Variants in WWOX observed in about 807,000 individuals in gnomAD.
The protein encoded by WWOX is WW domain containing oxidoreductase.
A neutral mutation model predicts 46.2 loss-of-function variants in WWOX; 69 were observed. That is an observed-to-expected ratio of 1.49 (90% CI 1.23 to 1.82). The LOEUF (loss-of-function observed/expected upper bound fraction) is 1.82. Among genes scored for constraint, WWOX ranks in the 40% most tolerant of loss-of-function variants. WWOX has a pLI of 0.00. For missense variants in WWOX, 919 were observed against 542.6 expected (o/e 1.69, Z -6.89); for synonymous variants, 359 against 202.6 (o/e 1.77, Z -6.56).
At chr16:78,702,774 A>G (rs913910529) in intron 8 of WWOX, among the ~76,000 whole-genome samples, 1 of 152,140 alleles carries the variant, frequency 6.6e-6, no homozygotes, top group African/African-American at 2.4e-5. Context: ...TTGTCTGCAC[A>G]CCTCTTGCAT....
At chr16:78,408,561 G>T (rs540982849) in intron 6 of WWOX, among the ~76,000 whole-genome samples, 1 of 152,190 alleles carries the variant, frequency 6.6e-6, no homozygotes, top group Non-Finnish European at 1.5e-5. Flanking sequence ...CAGAAAGACT[G>T]TATCACAGGG....
At chr16:78,909,186 T>C (rs982500798) in intron 8 of WWOX, among the ~76,000 whole-genome samples, 16 of 152,306 alleles carry the variant, frequency 1.1e-4, no homozygotes, top group African/African-American at 3.8e-4. Context: ...TTTTCTCCGT[T>C]ATAATTTTTG....
chr16:79,112,407 G>A (rs866150089), intron 8 of WWOX, among the ~76,000 whole-genome samples: 7 of 152,110 alleles, frequency 4.6e-5, no homozygotes, highest in Non-Finnish European at 8.8e-5. Flanking sequence ...CTCATACCCT[G>A]GACCAAGAAC....
chr16:78,944,448 C>G (rs1234481678), intron 8 of WWOX, among the ~76,000 whole-genome samples: 1 of 152,166 alleles, frequency 6.6e-6, no homozygotes, highest in African/African-American at 2.4e-5. Context: ...GGGCAAATAT[C>G]ACAATATGAT....
At chr16:78,769,475 A>C (rs982967762) in intron 8 of WWOX, among the ~76,000 whole-genome samples, 1 of 152,132 alleles carries the variant, frequency 6.6e-6, no homozygotes, top group African/African-American at 2.4e-5. Context: ...ATTCTGTGAC[A>C]GATGGAGATA....
At chr16:78,494,809 C>G (rs1200811312) in intron 8 of WWOX, among the ~76,000 whole-genome samples, 1 of 152,184 alleles carries the variant, frequency 6.6e-6, no homozygotes, top group Non-Finnish European at 1.5e-5. Context: ...TAATTACAGT[C>G]AAGATCCTAT....
intron 8 of WWOX, among the ~76,000 whole-genome samples, chr16:78,792,114 G>A (rs138615229): frequency 3.3e-4 from 50 of 152,150 alleles, no homozygotes; most frequent in African/African-American, 1.1e-3. Context: ...AGTCATTGCC[G>A]CAGGCTTGCT....
At chr16:79,108,144 T>C (rs371615158) in intron 8 of WWOX, among the ~76,000 whole-genome samples, 7 of 152,334 alleles carry the variant, frequency 4.6e-5, no homozygotes, top group Non-Finnish European at 1.0e-4. Context: ...ATTCATAAAA[T>C]AGGCACTCTG....
chr16:78,832,270 C>G (rs1338298738), intron 8 of WWOX, among the ~76,000 whole-genome samples: 1 of 152,152 alleles, frequency 6.6e-6, no homozygotes, highest in Non-Finnish European at 1.5e-5. Context: ...CTCTGTACAG[C>G]TTCAGGAGCA....
intron 5 of WWOX, among the ~76,000 whole-genome samples, chr16:78,385,892 C>T (rs540307335): frequency 5.1e-4 from 78 of 152,294 alleles, no homozygotes; most frequent in Admixed American, 9.8e-4. Flanking sequence ...TATTTAATCT[C>T]GCACTCCGAA....
At chr16:78,444,179 C>T (rs1032398001) in intron 8 of WWOX, among the ~76,000 whole-genome samples, 1 of 152,118 alleles carries the variant, frequency 6.6e-6, no homozygotes, top group African/African-American at 2.4e-5. Flanking sequence ...GTTCCCAGCT[C>T]CGTGCCGGGC....
intron 5 of WWOX, among the ~76,000 whole-genome samples, chr16:78,327,449 C>T (rs1215352846): frequency 6.6e-6 from 1 of 152,112 alleles, no homozygotes; most frequent in African/African-American, 2.4e-5. Context: ...AAGGAGAAAG[C>T]ATGACCCACT....
rs1173722960 is a variant in WWOX at position 78,806,498 on chromosome 16, G to T, written c.1056+373746G>T. ...TGAAAGCCAGGGTCTGAGATCATCT[G>T]AAGGTTGTTCACTCATGAGTCTGAG... On this transcript the variant is annotated intron_variant, in intron 8 of 8. Coordinates refer to ENST00000566780, the MANE Select transcript of WWOX (RefSeq NM_016373.4). 3.3e-5 allele frequency among the ~76,000 whole-genome samples: 5 copies of T among 152,264 alleles called. No individual in the cohort carries two copies. In the East Asian group the frequency reaches 7.7e-4, roughly 24 times the overall value.
chr16:78,407,804 C>T (rs559875796), intron 6 of WWOX, among the ~76,000 whole-genome samples: 1 of 152,176 alleles, frequency 6.6e-6, no homozygotes, highest in East Asian at 1.9e-4. Context: ...CATCCAGATA[C>T]CTAAAAAAGT....
intron 8 of WWOX, among the ~76,000 whole-genome samples, chr16:78,567,796 A>C (rs1227347750): frequency 1.3e-5 from 2 of 152,038 alleles, no homozygotes; most frequent in African/African-American, 4.8e-5. Context: ...CCAAACCAGC[A>C]GAGCCTCCAG....
At chr16:78,465,935 G>A (rs1379993040) in intron 8 of WWOX, among the ~76,000 whole-genome samples, 1 of 152,162 alleles carries the variant, frequency 6.6e-6, no homozygotes, top group African/African-American at 2.4e-5. Flanking sequence ...TGCAGAGTAG[G>A]CAAATTCATA....
intron 8 of WWOX, among the ~76,000 whole-genome samples, chr16:78,706,134 T>C (rs1486818939): frequency 7.6e-6 from 1 of 132,188 alleles, no homozygotes. Context: ...TTTATAAAAA[T>C]CATTCTTAAT....
At chr16:78,946,339 G>A (rs757505643) in intron 8 of WWOX, among the ~76,000 whole-genome samples, 11 of 152,120 alleles carry the variant, frequency 7.2e-5, no homozygotes, top group East Asian at 3.9e-4. Flanking sequence ...ACAGGGATGC[G>A]CCACCATGCC....
intron 8 of WWOX, among the ~76,000 whole-genome samples, chr16:78,771,642 G>A (rs1320425487): frequency 6.6e-6 from 1 of 151,978 alleles, no homozygotes; most frequent in Non-Finnish European, 1.5e-5. Context: ...CATTGTGGTG[G>A]GTGTCTGTAA....
Sources: allele counts gnomAD v4.1 joint callset (sites outside exome capture counted in the v4.1 genomes callset), GRCh38; gene constraint gnomAD v4.1.1; transcripts MANE v1.5; gene names NCBI Gene and HGNC (gene_info 2026-07-23, HGNC 2026-07-21).